Variants in ATP11C observed in about 807,000 individuals in gnomAD.
ATP11C encodes the protein phospholipid-transporting ATPase IG.
Under a neutral mutation model 97.4 loss-of-function variants are expected in ATP11C, and 36 were observed. The ratio of observed to expected loss-of-function variants is 0.37; its 90% CI spans 0.28 to 0.49. The LOEUF (loss-of-function observed/expected upper bound fraction) is 0.49, where lower values mean the gene tolerates loss of function less well. ATP11C is among the 20% of genes least tolerant of loss of function. The pLI is 0.98. For synonymous variants in ATP11C, 275 were observed against 290.9 expected, an observed-to-expected ratio of 0.95 and a Z score of 0.56; for missense variants, 730 against 824.6, an observed-to-expected ratio of 0.89 and a Z score of 1.40.
At chrX:139,760,746 G>C (rs946937337) in intron 22 of ATP11C, among the ~76,000 whole-genome samples, 3 of 111,552 alleles carry the variant, frequency 2.7e-5, no homozygotes, top group African/African-American at 9.8e-5. Flanking sequence ...AACTACTTCA[G>C]TGTCCAATAT....
intron 1 of ATP11C, among the ~76,000 whole-genome samples, chrX:139,902,449 A>G (rs1011690672): frequency 1.8e-5 from 2 of 111,516 alleles, no homozygotes; most frequent in Non-Finnish European, 3.8e-5. Flanking sequence ...CTACACTAAC[A>G]TAACGACTAT....
chrX:139,917,145 A>G (rs1437321073), intron 1 of ATP11C, among the ~76,000 whole-genome samples: 2 of 111,734 alleles, frequency 1.8e-5, no homozygotes, highest in Middle Eastern at 4.2e-3. Flanking sequence ...CTTATACTAC[A>G]TACAAAAATT....
intron 1 of ATP11C, among the ~76,000 whole-genome samples, chrX:139,878,880 G>A (rs1316623440): frequency 9.1e-6 from 1 of 109,808 alleles, no homozygotes; most frequent in Non-Finnish European, 1.9e-5. Context: ...ACAGAGACTA[G>A]GGGGAGGGGA....
chrX:139,744,833 C>T (rs962772892), intron 25 of ATP11C, among the ~76,000 whole-genome samples: 1 of 111,602 alleles, frequency 9.0e-6, no homozygotes, highest in Non-Finnish European at 1.9e-5. Context: ...TGGATTCATA[C>T]TAAACTGATT....
intron 22 of ATP11C, among the ~76,000 whole-genome samples, chrX:139,758,777 A>C (rs1163541677): frequency 8.9e-6 from 1 of 111,963 alleles, no homozygotes; most frequent in Non-Finnish European, 1.9e-5. Context: ...AAGCCCCTTC[A>C]AGAGCCCACT....
intron 14 of ATP11C, among the ~76,000 whole-genome samples, 181 bp from the exon 15 acceptor site, chrX:139,787,425 G>A (rs2082598371): frequency 9.0e-6 from 1 of 111,308 alleles, no homozygotes; most frequent in Admixed American, 9.5e-5. Flanking sequence ...AACCTCCTGA[G>A]TAGCTGAGAT....
At chrX:139,827,739 A>G (rs2083561376) in intron 1 of ATP11C, among the ~76,000 whole-genome samples, 1 of 111,288 alleles carries the variant, frequency 9.0e-6, no homozygotes, top group African/African-American at 3.3e-5. Context: ...AAAATGTTTT[A>G]ATATATGTAG....
intron 24 of ATP11C, among the ~76,000 whole-genome samples, chrX:139,748,196 CAT>C (rs2081734077): frequency 9.0e-6 from 1 of 111,344 alleles, no homozygotes; most frequent in Admixed American, 9.6e-5. Context: ...TTCTTTAATA[CAT>C]AGTGGCTCAT....
chrX:139,874,679 G>T (rs779428059), intron 1 of ATP11C, among the ~76,000 whole-genome samples: 1 of 108,884 alleles, frequency 9.2e-6, no homozygotes, highest in East Asian at 3.0e-4. Context: ...AGCATCCCCA[G>T]GGAACTTGTT....
At chrX:139,730,381 T>A (rs1463264421) in intron 29 of ATP11C, among the ~76,000 whole-genome samples, 1 of 111,098 alleles carries the variant, frequency 9.0e-6, no homozygotes, top group African/African-American at 3.3e-5. Context: ...GTCAAAGACC[T>A]TGAAGGTTAC....
chrX:139,737,768 T>A (rs1373882016), intron 28 of ATP11C, 148 bp downstream of exon 28: 2 of 642,829 alleles, frequency 3.1e-6, no homozygotes, highest in Non-Finnish European at 5.2e-6. Context: ...CTATACTTTT[T>A]ATGCAGAAGA....
intron 1 of ATP11C, among the ~76,000 whole-genome samples, chrX:139,897,793 C>T (rs781160310): frequency 1.8e-5 from 2 of 110,183 alleles, no homozygotes; most frequent in Non-Finnish European, 3.8e-5. Flanking sequence ...TTTAGCCAGG[C>T]GTGGTGGCAC....
At chrX:139,894,392 G>T (rs746094206) in intron 1 of ATP11C, among the ~76,000 whole-genome samples, 19 of 112,114 alleles carry the variant, frequency 1.7e-4, no homozygotes, top group Non-Finnish European at 3.0e-4. Flanking sequence ...AATAAGTGAA[G>T]AAGACAAATA....
chrX:139,857,125 T>C (rs1432240285), intron 1 of ATP11C, among the ~76,000 whole-genome samples: 1 of 111,816 alleles, frequency 8.9e-6, no homozygotes, highest in African/African-American at 3.3e-5. Context: ...ATGAGTGTAC[T>C]TAATCTTGTC....
chrX:139,795,420 T>C (rs1321431116), intron 12 of ATP11C, among the ~76,000 whole-genome samples: 1 of 111,407 alleles, frequency 9.0e-6, no homozygotes, highest in African/African-American at 3.3e-5. Context: ...TCAGCCCCAT[T>C]TAAACAAGTG....
At chrX:139,750,292 A>G (rs1424749022) in intron 23 of ATP11C, 140 bp from the exon 24 acceptor site, 33 of 500,358 alleles carry the variant, frequency 6.6e-5, no homozygotes, top group South Asian at 4.7e-4. Context: ...AGGAATCTGT[A>G]AATAAGGTCA....
upstream of ATP11C, among the ~76,000 whole-genome samples, chrX:139,933,387 C>G (rs1208295210): frequency 8.9e-6 from 1 of 112,092 alleles, no homozygotes; most frequent in Non-Finnish European, 1.9e-5. Context: ...GGGAGCTTTC[C>G]CTGGAACGCA....
chrX:139,899,318 T>C (rs2084858477), intron 1 of ATP11C, among the ~76,000 whole-genome samples: 1 of 109,956 alleles, frequency 9.1e-6, no homozygotes, highest in Non-Finnish European at 1.9e-5. Flanking sequence ...CCATCTCTAC[T>C]AAAAATACAA....
intron 23 of ATP11C, among the ~76,000 whole-genome samples, chrX:139,751,281 C>T (rs1226979498): frequency 8.9e-6 from 1 of 111,786 alleles, no homozygotes; most frequent in Admixed American, 9.5e-5. Flanking sequence ...GAGAGGTACA[C>T]AGGGAGCTGG....
Sources: gnomAD v4.1 joint callset for allele counts (sites outside exome capture counted in the v4.1 genomes callset) on GRCh38, gnomAD v4.1.1 for gene constraint, MANE v1.5 for transcripts, NCBI Gene and HGNC (gene_info 2026-07-23, HGNC 2026-07-21) for gene names.